Variants in CADM1 observed in about 807,000 individuals in gnomAD.
The protein encoded by CADM1 is TSLC-1.
Under a neutral mutation model 53.1 loss-of-function variants are expected in CADM1, and 15 were observed. The observed-to-expected ratio is 0.28, with a 90% CI of 0.19 to 0.44. CADM1 has a LOEUF of 0.44. Among genes scored for constraint, CADM1 ranks in the 20% least tolerant of loss-of-function variants. CADM1 has a pLI of 1.00. For synonymous variants in CADM1, 281 were observed against 243.0 expected, an observed-to-expected ratio of 1.16 and a Z score of -1.45; for missense variants, 434 against 611.3, an observed-to-expected ratio of 0.71 and a Z score of 3.06.
intron 1 of CADM1, among the ~76,000 whole-genome samples, chr11:115,278,401 T>C (rs1171202542): frequency 6.6e-6 from 1 of 152,162 alleles, no homozygotes; most frequent in Non-Finnish European, 1.5e-5. Flanking sequence ...AAGGTCTTCA[T>C]ATAACTAGGA....
intron 3 of CADM1, among the ~76,000 whole-genome samples, chr11:115,235,491 G>T (rs1179642362): frequency 6.6e-6 from 1 of 152,156 alleles, no homozygotes; most frequent in Non-Finnish European, 1.5e-5. Context: ...CTAAGGAGGT[G>T]CATATAGATG....
rs75670358 is a variant in CADM1, at chr11:115,295,904, A to C, written c.125-55484T>G. 9.0e-3 allele frequency among the ~76,000 whole-genome samples: 1,369 copies of C among 152,216 alleles called. 23 individuals are homozygous for C. Among genetic ancestry groups the C allele is most frequent in the African/African-American group, 0.031 (1,305 of 41,540 alleles). On this transcript the variant is annotated intron_variant, in intron 1 of 11. Coordinates refer to ENST00000331581, the MANE Select transcript of CADM1 (RefSeq NM_001301043.2). ...TGCTACAAATCTTCCTCATTTGTCA[A>C]TGCTTAACTTAAGGGCTCCGCCTTT...
At chr11:115,463,136 G>C (rs536132993) in intron 1 of CADM1, among the ~76,000 whole-genome samples, 1 of 152,190 alleles carries the variant, frequency 6.6e-6, no homozygotes, top group South Asian at 2.1e-4. Context: ...GCAAAATATT[G>C]CATGTTATTT....
At chr11:115,404,844 GAAAA>G (rs774430187) in intron 1 of CADM1, among the ~76,000 whole-genome samples, 1 of 52,344 alleles carries the variant, frequency 1.9e-5, no homozygotes, top group Admixed American at 2.1e-4. Context: ...CCTGCCTCAG[GAAAA>G]AAAAAAAAAA....
rs781260836 is a variant in CADM1 at position 115,504,283 on chromosome 11, G to C, written c.112C>G (p.Leu38Val). Residue 38 changes from leucine to valine, a missense_variant, in exon 1 of 12, where the codon CTG becomes GTG. Leu to Val is a conservative substitution (Grantham distance 32). Around this residue, in one of 4 missense-constraint regions of CADM1, gnomAD observed 76 missense variants for 59.8 expected, o/e 1.27. Coordinates refer to ENST00000331581, the MANE Select transcript of CADM1 (RefSeq NM_001301043.2). ...TGCCCACACCTACCTGTGGGGATCAGTGCCGCGGCGGAGAAGAGCAACAGC... is the reference window on the plus strand; with the variant it reads ...TGCCCACACCTACCTGTGGGGATCACTGCCGCGGCGGAGAAGAGCAACAGC... ...LLLLLFSAAALIPTGDGQNLF... is the reference protein window; with the variant it reads ...LLLLLFSAAAVIPTGDGQNLF... The C allele has an allele frequency of 3.2e-6, 5 of 1,570,468 alleles. No individual in the cohort carries two copies. The highest frequency in any genetic ancestry group is 1.9e-5 in the Admixed American group (1 of 53,208).
At chr11:115,464,914 T>C (rs1260944083) in intron 1 of CADM1, among the ~76,000 whole-genome samples, 1 of 152,178 alleles carries the variant, frequency 6.6e-6, no homozygotes, top group African/African-American at 2.4e-5. Context: ...TCTCCTAATC[T>C]GGTACCATGT....
chr11:115,253,546 T>C (rs1432431553), intron 1 of CADM1, among the ~76,000 whole-genome samples: 6 of 152,220 alleles, frequency 3.9e-5, no homozygotes, highest in Non-Finnish European at 5.9e-5. Context: ...TTGATAACTA[T>C]ACAATGACAC....
chr11:115,389,294 A>AAAC (rs761025579), intron 1 of CADM1, among the ~76,000 whole-genome samples: 3 of 152,320 alleles, frequency 2.0e-5, no homozygotes, highest in Non-Finnish European at 2.9e-5. Context: ...TAAAAAATGT[A>AAAC]AACAACAACA....
chr11:115,252,309 A>G (rs1159234166), intron 1 of CADM1, among the ~76,000 whole-genome samples: 2 of 152,226 alleles, frequency 1.3e-5, no homozygotes, highest in Non-Finnish European at 2.9e-5. Flanking sequence ...ATAGAGAACT[A>G]TGACCTTCTC....
intron 1 of CADM1, among the ~76,000 whole-genome samples, chr11:115,328,491 C>T (rs2135206494): frequency 6.6e-6 from 1 of 151,200 alleles, no homozygotes; most frequent in East Asian, 2.0e-4. Flanking sequence ...TAGTGCCTAC[C>T]ATGCACCATG....
chr11:115,315,624 G>A (rs1041263911), intron 1 of CADM1, among the ~76,000 whole-genome samples: 4 of 149,990 alleles, frequency 2.7e-5, no homozygotes, highest in South Asian at 4.2e-4. Context: ...TGCCTGTATC[G>A]TTGCCTTGGA....
At chr11:115,458,615 A>G (rs1205945022) in intron 1 of CADM1, among the ~76,000 whole-genome samples, 1 of 151,688 alleles carries the variant, frequency 6.6e-6, no homozygotes, top group African/African-American at 2.4e-5. Context: ...GGAAAGTCCT[A>G]TATAAGGGGA....
intron 1 of CADM1, among the ~76,000 whole-genome samples, chr11:115,368,110 CTTTTTTTTTT>C (rs58589028): frequency 1.8e-4 from 11 of 61,868 alleles, no homozygotes; most frequent in Admixed American, 2.6e-4. Context: ...TCACTAGAGT[CTTTTTTTTTT>C]TTTTTTTTTT....
chr11:115,238,473 C>A, intron 3 of CADM1, 27 bp downstream of exon 3: 1 of 1,612,280 alleles, frequency 6.2e-7, no homozygotes, highest in Non-Finnish European at 8.5e-7. Flanking sequence ...TCCATTTCCC[C>A]GGGTAAGCCC....
intron 7 of CADM1, among the ~76,000 whole-genome samples, chr11:115,213,968 GC>G: frequency 6.6e-6 from 1 of 152,252 alleles, no homozygotes; most frequent in Admixed American, 6.5e-5. Context: ...AGTTTAAGAT[GC>G]CTGAAATGTA....
At chr11:115,404,573 TTAATA>T (rs1439300883) in intron 1 of CADM1, among the ~76,000 whole-genome samples, 2 of 148,492 alleles carry the variant, frequency 1.3e-5, no homozygotes, top group Non-Finnish European at 3.0e-5. Context: ...TGCATTAAAA[TTAATA>T]TAAAAGTTTT....
intron 1 of CADM1, among the ~76,000 whole-genome samples, chr11:115,489,996 C>T (rs941287783): frequency 2.0e-5 from 3 of 152,024 alleles, no homozygotes; most frequent in South Asian, 2.1e-4. Context: ...TGTGGAGAGC[C>T]GGCGAGGCCA....
intron 1 of CADM1, among the ~76,000 whole-genome samples, chr11:115,369,552 T>C (rs991910352): frequency 2.0e-5 from 3 of 152,184 alleles, no homozygotes; most frequent in Admixed American, 2.0e-4. Context: ...AAAGAATAGC[T>C]AACAAGTTAC....
At chr11:115,446,257 A>G (rs955679434) in intron 1 of CADM1, among the ~76,000 whole-genome samples, 3 of 152,220 alleles carry the variant, frequency 2.0e-5, no homozygotes, top group African/African-American at 7.2e-5. Flanking sequence ...TCACAAAGGA[A>G]AAGGCTAAGA....
Sources: gnomAD v4.1 joint callset for allele counts (sites outside exome capture counted in the v4.1 genomes callset) on GRCh38, gnomAD v4.1.1 for gene constraint, gnomAD v4.1.1 regional missense constraint, MANE v1.5 for transcripts, NCBI Gene and HGNC (gene_info 2026-07-23, HGNC 2026-07-21) for gene names.